The following CNGB1 variants were observed in gnomAD, a reference collection of about 807,000 sequenced individuals.
CNGB1 encodes the protein cyclic nucleotide gated channel subunit beta 1.
CNGB1 carries 126 observed loss-of-function variants against 151.7 expected under a neutral mutation model. The observed-to-expected ratio is 0.83, with a 90% CI of 0.72 to 0.96. The LOEUF (loss-of-function observed/expected upper bound fraction) is 0.96, where lower values mean the gene tolerates loss of function less well. Ranked by LOEUF, CNGB1 falls within the 40% of genes least tolerant of loss-of-function variation. The pLI, the probability that CNGB1 is intolerant of heterozygous loss-of-function variation, is 0.00. For synonymous variants in CNGB1, 623 were observed against 635.1 expected (o/e 0.98, Z 0.29); for missense variants, 1,698 against 1,627.0 (o/e 1.04, Z -0.75).
chr16:57,958,595 C>T (rs73545176), intron 10 of CNGB1, 110 bp from the exon 11 acceptor site: 5 of 947,850 alleles, frequency 5.3e-6, no homozygotes, highest in African/African-American at 1.6e-5. Context: ...AAAGGCAGAG[C>T]CTGCCAGGAG....
At chr16:57,957,549 T>C (rs1185002160) in intron 11 of CNGB1, among the ~76,000 whole-genome samples, 172 bp from the exon 12 acceptor site, 1 of 151,822 alleles carries the variant, frequency 6.6e-6, no homozygotes, top group Non-Finnish European at 1.5e-5. Flanking sequence ...GGATTTGAGG[T>C]GGGGGGAGGG....
intron 25 of CNGB1, among the ~76,000 whole-genome samples, chr16:57,907,154 C>A (rs909320523): frequency 6.6e-6 from 1 of 152,176 alleles, no homozygotes; most frequent in Non-Finnish European, 1.5e-5. Context: ...AGCTCGAGCT[C>A]CTCCCGCAGA....
chr16:57,911,760 C>T lies in CNGB1; in HGVS notation c.2485G>A (p.Gly829Arg). 6.2e-7 allele frequency: 1 copy of T among 1,613,974 alleles called. No homozygotes were observed. Among genetic ancestry groups the T allele is most frequent in the Non-Finnish European group, 8.5e-7 (1 of 1,179,894 alleles). ...GSTHWVYDGV[G>R]NSYIRCYYFA... The stretch of plus-strand genomic sequence containing the variant: ...GGGAGGACTGTGGCTCACCTGTTTC[C>T]CACGCCATCGTAAACCCAGTGAGTG... Residue 829 changes from glycine to arginine, a missense_variant, in exon 25 of 33, where the codon GGA (glycine) becomes AGA (arginine). Coordinates refer to ENST00000251102, the MANE Select transcript of CNGB1 (RefSeq NM_001297.5).
chr16:57,899,329 A>T (rs1383540637), intron 29 of CNGB1, among the ~76,000 whole-genome samples: 1 of 150,364 alleles, frequency 6.7e-6, no homozygotes, highest in Admixed American at 6.6e-5. Context: ...ACAGAAAAAA[A>T]AAATAATAAT....
intron 14 of CNGB1, among the ~76,000 whole-genome samples, chr16:57,949,068 G>T (rs1961878577): frequency 1.3e-5 from 2 of 152,014 alleles, no homozygotes; most frequent in Admixed American, 6.5e-5. Context: ...TAGGCTCTAG[G>T]GACATGGCAG....
chr16:57,949,379 C>G lies in CNGB1; in HGVS notation c.1095G>C (p.Glu365Asp), dbSNP rs965085076. The G allele has an allele frequency of 6.2e-7, 1 of 1,612,966 alleles. No individual in the cohort carries two copies. The highest frequency in any genetic ancestry group is 8.5e-7 in the Non-Finnish European group (1 of 1,179,986). Reference sequence around the variant, plus strand: ...CAGTCACCTCCTCCTCTTCCTCCTCCTCCTCCTCTTCCTCTTCCTCCTCCT... The same window carrying G: ...CAGTCACCTCCTCCTCTTCCTCCTCGTCCTCCTCTTCCTCTTCCTCCTCCT... ...EDEEEEEEEE[E>D]EEEEEEVTEV... is the part of the protein sequence containing the mutation. The change falls in exon 14 of 33, where the codon GAG becomes GAC. Residue 365 changes from glutamate (E) to aspartate (D), a missense_variant. Physicochemically the swap from Glu to Asp is conservative, Grantham distance 45 (BLOSUM62 2). Coordinates refer to ENST00000251102, the MANE Select transcript of CNGB1 (RefSeq NM_001297.5).
chr16:57,940,241 G>A lies in CNGB1; in HGVS notation c.1202C>T (p.Ser401Leu), dbSNP rs1465387980. ...GCCTGGTGCTTCTCATACCTGATCT[G>A]AAGTGCTCTGGGGCCGGGTCCCGTC... ...EEDGTRPQST[S>L]DQKLWEEVGE... Residue 401 changes from serine (S) to leucine (L), a missense_variant, in exon 15 of 33, where the codon TCA (serine) becomes TTA (leucine). Ser to Leu is a moderately radical substitution (Grantham distance 145). Coordinates refer to ENST00000251102, the MANE Select transcript of CNGB1 (RefSeq NM_001297.5). The A allele has an allele frequency of 3.2e-6, 5 of 1,567,410 alleles. No homozygotes were observed. The highest frequency in any genetic ancestry group is 4.3e-6 in the Non-Finnish European group (5 of 1,155,902).
At chr16:57,936,433 G>T (rs986558449) in intron 16 of CNGB1, among the ~76,000 whole-genome samples, 2 of 152,178 alleles carry the variant, frequency 1.3e-5, no homozygotes. Context: ...TTAAACTAAG[G>T]TTTATAAGGT....
chr16:57,937,572 C>T (rs1961546970), intron 16 of CNGB1, among the ~76,000 whole-genome samples: 1 of 152,200 alleles, frequency 6.6e-6, no homozygotes. Context: ...AGGCCCCCAA[C>T]TTCCCATGCT....
intron 12 of CNGB1, chr16:57,954,594 G>T: frequency 1.2e-6 from 1 of 818,842 alleles, no homozygotes; most frequent in Non-Finnish European, 1.5e-6. Flanking sequence ...GCAAGCCCAG[G>T]GCTATTCAGT....
At chr16:57,933,700 GT>G (rs1325398240) in intron 16 of CNGB1, among the ~76,000 whole-genome samples, 1 of 149,644 alleles carries the variant, frequency 6.7e-6, no homozygotes, top group Non-Finnish European at 1.5e-5. Flanking sequence ...TGTGCTTTTT[GT>G]TTCTTTTTCT....
At chr16:57,953,338 T>C (rs1366941870) in intron 12 of CNGB1, among the ~76,000 whole-genome samples, 1 of 151,588 alleles carries the variant, frequency 6.6e-6, no homozygotes, top group Non-Finnish European at 1.5e-5. Flanking sequence ...CTACTAAAAA[T>C]ACAAAAATTA....
At chr16:57,927,612 T>C (rs1961224444) in intron 17 of CNGB1, among the ~76,000 whole-genome samples, 1 of 152,232 alleles carries the variant, frequency 6.6e-6, no homozygotes, top group Admixed American at 6.5e-5. Context: ...CATACAGATG[T>C]TCAGTACATG....
chr16:57,927,343 T>C (rs1961217617), intron 17 of CNGB1, among the ~76,000 whole-genome samples: 1 of 152,230 alleles, frequency 6.6e-6, no homozygotes, highest in Non-Finnish European at 1.5e-5. Context: ...ATGTTCATTC[T>C]GTCCCTGCTC....
rs537371733 is a variant in CNGB1, at chr16:57,884,528, C to G, written c.3463-71G>C. ...GGTCTTGGAAGGGTCTTGGACACCTCCCTGTTCCAGCCTTTTTGGACCCCC... is the reference window on the plus strand; with the variant it reads ...GGTCTTGGAAGGGTCTTGGACACCTGCCTGTTCCAGCCTTTTTGGACCCCC... On this transcript the variant is annotated intron_variant, in intron 32 of 32. Coordinates refer to ENST00000251102, the MANE Select transcript of CNGB1 (RefSeq NM_001297.5). 35 of 1,568,390 alleles carry G rather than the reference C, an allele frequency of 2.2e-5. No individual in the cohort carries two copies. The African/African-American group carries it at 3.1e-4, about 14-fold the overall frequency.
At position 57,919,171 on chromosome 16, in the gene CNGB1, T is replaced by C. The variant is rs750617397; in HGVS notation, c.1885A>G (p.Met629Val). The C allele has an allele frequency of 1.2e-6, 2 of 1,614,198 alleles. No homozygotes were observed. The highest frequency in any genetic ancestry group is 2.2e-5 in the South Asian group (2 of 91,082). The change falls in exon 20 of 33, where the codon ATG (methionine) becomes GTG (valine). Residue 629 changes from methionine (M) to valine (V), a missense_variant. Met to Val is a conservative substitution (Grantham distance 21, BLOSUM62 1). Coordinates refer to ENST00000251102, the MANE Select transcript of CNGB1 (RefSeq NM_001297.5). ...EPVEEEHYCD[M>V]LCCKFKHRPW... The stretch of plus-strand genomic sequence containing the variant: ...CGGTGTTTGAACTTGCAGCAGAGCA[T>C]GTCGCAATAGTGCTCCTCTTCCACT...
At chr16:57,885,814 A>G (rs113810608) in intron 32 of CNGB1, among the ~76,000 whole-genome samples, 22,015 of 151,876 alleles carry the variant, frequency 0.14, 2,767 homozygotes, top group African/African-American at 0.34. Flanking sequence ...GGCTGGTCTT[A>G]AACTCCTGAC....
chr16:57,925,365 C>T (rs1961155816), intron 17 of CNGB1, among the ~76,000 whole-genome samples: 1 of 152,148 alleles, frequency 6.6e-6, no homozygotes, highest in Admixed American at 6.6e-5. Flanking sequence ...CAAGAATAGA[C>T]TAATACAGGA....
intron 16 of CNGB1, among the ~76,000 whole-genome samples, chr16:57,932,985 G>A (rs1216190170): frequency 3.9e-5 from 6 of 152,202 alleles, no homozygotes; most frequent in Admixed American, 1.3e-4. Context: ...CACGATTGCA[G>A]CTCACTGCAA....
Sources: gnomAD v4.1 joint callset for allele counts (sites outside exome capture counted in the v4.1 genomes callset) on GRCh38, gnomAD v4.1.1 for gene constraint, MANE v1.5 for transcripts, NCBI Gene and HGNC (gene_info 2026-07-23, HGNC 2026-07-21) for gene names.